THRB: variants seen among roughly 807,000 people sequenced by gnomAD.
The protein encoded by THRB is thyroid hormone receptor beta, also known as nuclear receptor subfamily 1 group A member 2.
THRB carries 12 observed loss-of-function variants against 47.8 expected under a neutral mutation model. The observed-to-expected ratio is 0.25, with a 90% CI of 0.16 to 0.41. The LOEUF is 0.41. Ranked by LOEUF, THRB falls within the 10% of genes least tolerant of loss-of-function variation. The pLI is 1.00. For missense variants in THRB, 348 were observed against 589.2 expected (o/e 0.59, Z 4.24); for synonymous variants, 218 against 212.2 (o/e 1.03, Z -0.24).
At chr3:24,492,267 C>A (rs182967735) in intron 1 of THRB, among the ~76,000 whole-genome samples, 1 of 152,000 alleles carries the variant, frequency 6.6e-6, no homozygotes, top group African/African-American at 2.4e-5. Context: ...CTCATGGATT[C>A]GATATTCTAG....
chr3:24,187,818 C>T (rs1470866498), intron 5 of THRB, among the ~76,000 whole-genome samples: 3 of 152,160 alleles, frequency 2.0e-5, no homozygotes, highest in Non-Finnish European at 4.4e-5. Context: ...GTCCTGGACT[C>T]ACTGCTGCCT....
intron 5 of THRB, among the ~76,000 whole-genome samples, chr3:24,189,104 A>C (rs1200666983): frequency 1.3e-5 from 2 of 152,028 alleles, no homozygotes; most frequent in African/African-American, 4.8e-5. Context: ...GGATAAATAT[A>C]ATCATGTGTA....
At chr3:24,248,573 C>A (rs886064979) in intron 3 of THRB, among the ~76,000 whole-genome samples, 4 of 152,140 alleles carry the variant, frequency 2.6e-5, no homozygotes, top group Non-Finnish European at 4.4e-5. Context: ...TGGCTATTTC[C>A]CAGAGTCCCT....
intron 3 of THRB, among the ~76,000 whole-genome samples, chr3:24,283,301 T>C (rs961588105): frequency 2.0e-5 from 3 of 152,118 alleles, no homozygotes; most frequent in Non-Finnish European, 4.4e-5. Context: ...ATAAACATAA[T>C]CCAGCATATA....
intron 3 of THRB, among the ~76,000 whole-genome samples, chr3:24,267,130 C>G (rs2150576325): frequency 6.6e-6 from 1 of 151,674 alleles, no homozygotes; most frequent in Middle Eastern, 3.4e-3. Flanking sequence ...AACTGAGAAC[C>G]AAAATGCCAT....
chr3:24,231,341 G>T (rs1270953565), intron 3 of THRB, among the ~76,000 whole-genome samples: 1 of 152,050 alleles, frequency 6.6e-6, no homozygotes, highest in Non-Finnish European at 1.5e-5. Context: ...ATAGGCATAT[G>T]AACTATAGGA....
intron 1 of THRB, among the ~76,000 whole-genome samples, chr3:24,462,046 G>C (rs904149891): frequency 1.3e-5 from 2 of 152,050 alleles, no homozygotes; most frequent in Admixed American, 1.3e-4. Context: ...AAACTGCCTA[G>C]AAGGAAATAC....
At chr3:24,171,219 G>A (rs928029009) in intron 5 of THRB, among the ~76,000 whole-genome samples, 5 of 152,192 alleles carry the variant, frequency 3.3e-5, no homozygotes, top group African/African-American at 7.2e-5. Flanking sequence ...ACATTTTGGC[G>A]GAAACCAAAG....
At chr3:24,289,415 T>C (rs964447414) in intron 3 of THRB, among the ~76,000 whole-genome samples, 12 of 152,184 alleles carry the variant, frequency 7.9e-5, no homozygotes, top group African/African-American at 2.9e-4. Flanking sequence ...AATGGCAATT[T>C]TATATAGTTT....
intron 4 of THRB, among the ~76,000 whole-genome samples, chr3:24,223,968 TAATA>T (rs746905952): frequency 1.4e-4 from 21 of 152,128 alleles, no homozygotes; most frequent in Non-Finnish European, 2.6e-4. Context: ...CAATTTTGCC[TAATA>T]AATTACCTCC....
intron 1 of THRB, among the ~76,000 whole-genome samples, chr3:24,355,699 G>A (rs540153562): frequency 6.6e-5 from 10 of 152,086 alleles, no homozygotes; most frequent in Non-Finnish European, 1.5e-4. Flanking sequence ...GTGAGGTCAC[G>A]CCAAATGGGC....
intron 3 of THRB, among the ~76,000 whole-genome samples, chr3:24,266,713 A>G (rs1192762196): frequency 6.6e-6 from 1 of 152,218 alleles, no homozygotes; most frequent in Non-Finnish European, 1.5e-5. Flanking sequence ...TACCCAGTCC[A>G]CAAAATGTAC....
chr3:24,119,402 A>G lies in THRB; in HGVS notation c.*3482T>C, dbSNP rs1575213649. ...TCAAAAACTGTAAGACTGATTTCAT[A>G]ATTTATGACTCATGCAGCAAAAGGT... On this transcript the variant is annotated 3_prime_UTR_variant, in exon 11 of 11. Coordinates refer to ENST00000646209, the MANE Select transcript of THRB (RefSeq NM_001354712.2). 6.6e-6 allele frequency: 1 copy of G among 152,322 alleles called. No individual in the cohort carries two copies. Among genetic ancestry groups the G allele is most frequent in the Middle Eastern group, 3.4e-3 (1 of 294 alleles). 9.4% of individuals were successfully genotyped at this position (152,322 alleles called of 1,614,324 possible). A position where few individuals can be genotyped will look rare whatever the true frequency, so the allele number is the denominator to read the frequency against.
At chr3:24,357,378 A>AAC (rs2063758135) in intron 1 of THRB, among the ~76,000 whole-genome samples, 14 of 141,270 alleles carry the variant, frequency 9.9e-5, no homozygotes, top group African/African-American at 3.9e-4. Flanking sequence ...AAAAAAACAA[A>AAC]AAACAAACAA....
intron 1 of THRB, among the ~76,000 whole-genome samples, chr3:24,368,761 T>C (rs1015875637): frequency 6.6e-6 from 1 of 152,202 alleles, no homozygotes; most frequent in African/African-American, 2.4e-5. Flanking sequence ...GAAATTTATG[T>C]ACACCAAAAC....
chr3:24,164,643 A>T (rs2039382384), intron 5 of THRB, among the ~76,000 whole-genome samples: 1 of 152,216 alleles, frequency 6.6e-6, no homozygotes, highest in African/African-American at 2.4e-5. Flanking sequence ...GAAAAGTCAA[A>T]TGAGTTTTTA....
chr3:24,372,616 C>T (rs990293920), intron 1 of THRB, among the ~76,000 whole-genome samples: 12 of 152,026 alleles, frequency 7.9e-5, no homozygotes, highest in African/African-American at 2.7e-4. Flanking sequence ...AGGGATGAGT[C>T]GGAGATCAAC....
intron 3 of THRB, among the ~76,000 whole-genome samples, chr3:24,258,189 A>G (rs531312750): frequency 3.8e-4 from 58 of 152,114 alleles, no homozygotes; most frequent in Non-Finnish European, 7.8e-4. Flanking sequence ...CATTTGGGGG[A>G]AGATGGAAAA....
intron 10 of THRB, among the ~76,000 whole-genome samples, chr3:24,123,907 C>T (rs568752692): frequency 1.5e-4 from 23 of 152,210 alleles, no homozygotes; most frequent in African/African-American, 5.3e-4. Context: ...GGGAGAGGCT[C>T]AAGTCAGTTT....
Sources: allele counts gnomAD v4.1 joint callset (sites outside exome capture counted in the v4.1 genomes callset), GRCh38; gene constraint gnomAD v4.1.1; transcripts MANE v1.5; gene names NCBI Gene and HGNC (gene_info 2026-07-23, HGNC 2026-07-21).